Variants in ERICH1 observed in about 807,000 individuals in gnomAD.
ERICH1 encodes the protein glutamate-rich protein 1.
ERICH1 carries 56 observed loss-of-function variants against 39.6 expected under a neutral mutation model. The observed-to-expected ratio is 1.41, with a 90% CI of 1.14 to 1.77. The LOEUF is 1.77. Among genes scored for constraint, ERICH1 ranks in the 40% most tolerant of loss-of-function variants. The pLI, the probability that ERICH1 is intolerant of heterozygous loss-of-function variation, is 0.00. For missense variants in ERICH1, 826 were observed against 575.4 expected (o/e 1.44, Z -4.45); for synonymous variants, 313 against 223.6 (o/e 1.40, Z -3.57).
At chr8:623,897 T>C (rs1220627174) in intron 3 of ERICH1, among the ~76,000 whole-genome samples, 1 of 152,152 alleles carries the variant, frequency 6.6e-6, no homozygotes, top group African/African-American at 2.4e-5. Flanking sequence ...AAAAAGTAGA[T>C]AAATTGGCTA....
At chr8:687,658 C>T (rs538092996) in intron 3 of ERICH1, among the ~76,000 whole-genome samples, 22 of 152,206 alleles carry the variant, frequency 1.4e-4, no homozygotes, top group Non-Finnish European at 2.6e-4. Context: ...AGCGCCCGGG[C>T]GGCCCAGGCG....
intron 4 of ERICH1, 30 bp from the exon 5 acceptor site, chr8:668,822 C>G: frequency 6.4e-7 from 1 of 1,556,858 alleles, no homozygotes. Context: ...CTTGGAAATA[C>G]AGTTTTGTTT....
At chr8:623,718 C>T (rs1184603679) in intron 3 of ERICH1, among the ~76,000 whole-genome samples, 2 of 152,070 alleles carry the variant, frequency 1.3e-5, no homozygotes, top group Non-Finnish European at 2.9e-5. Context: ...AAGTTGAACC[C>T]CTTTCTTGCA....
intron 2 of ERICH1, among the ~76,000 whole-genome samples, chr8:707,683 A>T (rs1585541843): frequency 6.6e-6 from 1 of 152,262 alleles, no homozygotes; most frequent in Non-Finnish European, 1.5e-5. Context: ...TGCTAAAACT[A>T]TAAAACTCTT....
At chr8:660,395 T>C (rs1400582838), downstream of ERICH1, among the ~76,000 whole-genome samples, 1 of 152,180 alleles carries the variant, frequency 6.6e-6, no homozygotes, top group Non-Finnish European at 1.5e-5. Context: ...CACCCTGAGG[T>C]CGGCTGCCAG....
intron 3 of ERICH1, among the ~76,000 whole-genome samples, chr8:633,517 C>G (rs1204794112): frequency 1.3e-5 from 2 of 152,174 alleles, no homozygotes. Context: ...AAGGATATTT[C>G]TCAGAGAAAC....
At chr8:725,553 C>G (rs1818407686) in intron 1 of ERICH1, among the ~76,000 whole-genome samples, 1 of 152,148 alleles carries the variant, frequency 6.6e-6, no homozygotes, top group South Asian at 2.1e-4. Flanking sequence ...GGCCCACTTC[C>G]CTCTCCAGCT....
At position 621,926 on chromosome 8, in the gene ERICH1, T is replaced by A. The variant is rs537147287; in HGVS notation, c.977-6642A>T. 5.9e-5 allele frequency among the ~76,000 whole-genome samples: 9 copies of A among 152,292 alleles called. No homozygotes were observed. In the East Asian group the frequency reaches 1.2e-3, roughly 20 times the overall value. Reference sequence around the variant, plus strand: ...TTAGAGATTAAATAATGTTAAAACTTCCTTGTGGCTGAGTGTGGTGGCTCA... The same window carrying A: ...TTAGAGATTAAATAATGTTAAAACTACCTTGTGGCTGAGTGTGGTGGCTCA... On this transcript the variant is annotated intron_variant, in intron 3 of 3. Coordinates refer to the ERICH1 transcript ENST00000522706.
At chr8:703,144 G>A (rs1320061292) in intron 2 of ERICH1, among the ~76,000 whole-genome samples, 1 of 152,202 alleles carries the variant, frequency 6.6e-6, no homozygotes, top group East Asian at 1.9e-4. Flanking sequence ...GAGCATTCGG[G>A]GAGGGAACTG....
chr8:632,227 G>C (rs772325177), intron 3 of ERICH1, among the ~76,000 whole-genome samples: 3 of 152,050 alleles, frequency 2.0e-5, no homozygotes, highest in Non-Finnish European at 4.4e-5. Context: ...TTTTTCTATT[G>C]TGTGTCGTGT....
intron 3 of ERICH1, among the ~76,000 whole-genome samples, chr8:636,549 G>A (rs1399735597): frequency 1.3e-5 from 2 of 152,250 alleles, no homozygotes; most frequent in African/African-American, 4.8e-5. Context: ...ACGGACGGAG[G>A]CCTGTGCACT....
chr8:634,993 G>C (rs913176131), intron 3 of ERICH1, among the ~76,000 whole-genome samples: 6 of 152,194 alleles, frequency 3.9e-5, no homozygotes, highest in Admixed American at 3.9e-4. Flanking sequence ...GGCCGTCGGA[G>C]TTCCCTCCTG....
At chr8:618,528 G>C (rs1368758718) in intron 3 of ERICH1, among the ~76,000 whole-genome samples, 1 of 152,322 alleles carries the variant, frequency 6.6e-6, no homozygotes, top group Middle Eastern at 3.4e-3. Flanking sequence ...GTGGGTACAT[G>C]CTAACTGAGT....
At chr8:638,794 A>C (rs2117191430) in intron 3 of ERICH1, among the ~76,000 whole-genome samples, 1 of 152,152 alleles carries the variant, frequency 6.6e-6, no homozygotes, top group African/African-American at 2.4e-5. Context: ...TTGACCCAGA[A>C]GACTCATTTT....
intron 3 of ERICH1, among the ~76,000 whole-genome samples, chr8:638,262 T>G (rs538108162): frequency 1.3e-5 from 2 of 152,352 alleles, no homozygotes; most frequent in East Asian, 3.9e-4. Flanking sequence ...AAGACCTTGC[T>G]TACAGGGCTT....
intron 1 of ERICH1, among the ~76,000 whole-genome samples, chr8:723,084 G>C (rs1209040533): frequency 6.6e-6 from 1 of 152,178 alleles, no homozygotes; most frequent in Non-Finnish European, 1.5e-5. Flanking sequence ...CCCACCTCAT[G>C]GTGATGAGCT....
intron 3 of ERICH1, among the ~76,000 whole-genome samples, chr8:638,425 T>G (rs899398587): frequency 6.6e-6 from 1 of 152,052 alleles, no homozygotes; most frequent in African/African-American, 2.4e-5. Flanking sequence ...GGTGGGCAGG[T>G]GGGCCGGTCG....
chr8:615,080 TC>T, exon 4 of ERICH1: 1 of 590,730 alleles, frequency 1.7e-6, no homozygotes, highest in Non-Finnish European at 3.0e-6. Context: ...CCACTGAAGA[TC>T]TCAGCTCTCG....
At chr8:660,556 G>A (rs1025007335), downstream of ERICH1, among the ~76,000 whole-genome samples, 6 of 152,218 alleles carry the variant, frequency 3.9e-5, no homozygotes, top group Admixed American at 1.3e-4. Context: ...GTCCCAGCCC[G>A]GGCTGTACTG....
Sources: gnomAD v4.1 joint callset for allele counts (sites outside exome capture counted in the v4.1 genomes callset) on GRCh38, gnomAD v4.1.1 for gene constraint, MANE v1.5 for transcripts, NCBI Gene and HGNC (gene_info 2026-07-23, HGNC 2026-07-21) for gene names.